MARS1: variants seen among roughly 807,000 people sequenced by gnomAD.
MARS1 encodes the protein methionine--tRNA ligase, cytoplasmic.
A neutral mutation model predicts 119.5 loss-of-function variants in MARS1; 80 were observed. That is an observed-to-expected ratio of 0.67 (90% CI 0.56 to 0.81). The LOEUF (loss-of-function observed/expected upper bound fraction) is 0.81, where lower values mean the gene tolerates loss of function less well. Among genes scored for constraint, MARS1 ranks in the 30% least tolerant of loss-of-function variants. The pLI is 0.00. For missense variants in MARS1, 945 were observed against 1,116.5 expected (o/e 0.85, Z 2.19); for synonymous variants, 418 against 433.4 (o/e 0.96, Z 0.44).
At chr12:57,504,995 C>T (rs924925296) in intron 11 of MARS1, among the ~76,000 whole-genome samples, 3 of 150,974 alleles carry the variant, frequency 2.0e-5, no homozygotes, top group Non-Finnish European at 1.5e-5. Context: ...TGAGCCACCG[C>T]ACTGGGCCAC....
Position 57,514,739 on chromosome 12 carries a change from A to T in MARS1, c.1987A>T (p.Lys663Ter), listed in dbSNP as rs771664576. Residue 663 changes from lysine (K) to a stop codon, truncating the protein, a stop_gained, in exon 16 of 21, where the codon AAG becomes TAG. Transcript: ENST00000262027. LOFTEE classifies it high-confidence loss of function. ...FINRAGMFVS[K>*]FFGGYVPEMV... ...ACCAAGAGCTGGGATGTTTGTGTCT[A>T]AGTTCTTTGGGGGCTATGTGCCTGA... The T allele has an allele frequency of 6.2e-7, 1 of 1,613,948 alleles. No homozygotes were observed. Among genetic ancestry groups the T allele is most frequent in the African/African-American group, 1.3e-5 (1 of 74,898 alleles).
intron 11 of MARS1, among the ~76,000 whole-genome samples, chr12:57,505,994 C>T (rs76515218): frequency 0.02 from 2,992 of 151,630 alleles, 100 homozygotes; most frequent in African/African-American, 0.069. Context: ...GTGGCTCACG[C>T]GTTAATCCTA....
intron 11 of MARS1, among the ~76,000 whole-genome samples, chr12:57,505,269 C>A (rs1877130077): frequency 6.6e-6 from 1 of 151,476 alleles, no homozygotes; most frequent in South Asian, 2.1e-4. Context: ...TCAAGCGATT[C>A]CTCTGCATCA....
At chr12:57,497,236 T>A (rs1022424403) in intron 7 of MARS1, among the ~76,000 whole-genome samples, 5 of 152,148 alleles carry the variant, frequency 3.3e-5, no homozygotes, top group Admixed American at 6.6e-5. Flanking sequence ...TATTCAGTTA[T>A]GGAGAGAAAG....
intron 5 of MARS1, 63 bp from the exon 6 acceptor site, chr12:57,490,144 G>T: frequency 6.4e-7 from 1 of 1,552,100 alleles, no homozygotes. Context: ...GAAGGGGAAA[G>T]ATGCCCGCTC....
rs200792020 is a variant in MARS1 at position 57,500,538 on chromosome 12, C to T, written c.1293+16C>T. On this transcript the variant is annotated intron_variant, in intron 10 of 20. Coordinates refer to ENST00000262027, the MANE Select transcript of MARS1 (RefSeq NM_004990.4). The stretch of plus-strand genomic sequence containing the variant: ...CGAGCTTAAGGTAAGAGGAGGGTCT[C>T]CATGGGAGCCCGGAAGGAGACAGTC... 3 of 1,612,040 alleles carry T rather than the reference C, an allele frequency of 1.9e-6. No individual in the cohort carries two copies. Among genetic ancestry groups the T allele is most frequent in the Admixed American group, 3.4e-5 (2 of 59,616 alleles).
At chr12:57,507,484 ACC>A (rs1204870664) in intron 11 of MARS1, among the ~76,000 whole-genome samples, 2,129 of 17,694 alleles carry the variant, frequency 0.12, 386 homozygotes, top group African/African-American at 0.24. Context: ...CGGGGGGCTG[ACC>A]CCCCCCCCAC....
chr12:57,492,474 A>G (rs1381876705), intron 7 of MARS1, among the ~76,000 whole-genome samples: 1 of 152,068 alleles, frequency 6.6e-6, no homozygotes, highest in Non-Finnish European at 1.5e-5. Flanking sequence ...GTTCGAGACC[A>G]GCCTGGCCAA....
At chr12:57,504,051 G>T in intron 10 of MARS1, 174 bp from the exon 11 acceptor site, 1 of 600,716 alleles carries the variant, frequency 1.7e-6, no homozygotes, top group Non-Finnish European at 3.0e-6. Context: ...GTTATACTGA[G>T]AAGATTTGAG....
At chr12:57,502,019 A>G (rs892783036) in intron 10 of MARS1, among the ~76,000 whole-genome samples, 1 of 152,106 alleles carries the variant, frequency 6.6e-6, no homozygotes, top group Non-Finnish European at 1.5e-5. Flanking sequence ...AGTATGGAGA[A>G]GGATTTGGAG....
chr12:57,489,683 CT>C, intron 4 of MARS1, 125 bp downstream of exon 4: 1 of 1,356,560 alleles, frequency 7.4e-7, no homozygotes, highest in Non-Finnish European at 1.0e-6. Flanking sequence ...TGGCAAATCA[CT>C]TAATCTCTCT....
chr12:57,502,670 C>T (rs1299737), intron 10 of MARS1, among the ~76,000 whole-genome samples: 24,922 of 142,020 alleles, frequency 0.18, 2,441 homozygotes, highest in East Asian at 0.29. Context: ...TACGCTACTG[C>T]ACTCCAGCCT....
intron 7 of MARS1, among the ~76,000 whole-genome samples, chr12:57,493,148 C>G (rs917078859): frequency 2.7e-5 from 4 of 150,142 alleles, no homozygotes; most frequent in Non-Finnish European, 4.4e-5. Flanking sequence ...ATGTTTGTTT[C>G]TTCACTAATT....
At chr12:57,493,376 A>T (rs1232311978) in intron 7 of MARS1, among the ~76,000 whole-genome samples, 1 of 27,684 alleles carries the variant, frequency 3.6e-5, no homozygotes, top group South Asian at 1.3e-3. Context: ...TATAATATAT[A>T]TTATATAATA....
intron 7 of MARS1, among the ~76,000 whole-genome samples, chr12:57,495,575 C>T (rs1466067453): frequency 7.9e-5 from 12 of 152,236 alleles, no homozygotes; most frequent in African/African-American, 2.6e-4. Flanking sequence ...CAGGCTGAGA[C>T]GCTCCTCACT....
chr12:57,494,884 T>TG (rs1349662277), intron 7 of MARS1, among the ~76,000 whole-genome samples: 54 of 152,298 alleles, frequency 3.5e-4, no homozygotes, highest in Admixed American at 2.7e-3. Flanking sequence ...CAGAACAAAA[T>TG]GGAGTCTCCT....
Position 57,490,664 on chromosome 12 carries a change from G to T in MARS1, c.770+20G>T. ...TCCAGTGTGAGTAGACATGGCACAT[G>T]TGAGTGGGGCTTGATTTTGTAGTGG... On this transcript the variant is annotated intron_variant, in intron 7 of 20. Coordinates refer to ENST00000262027, the MANE Select transcript of MARS1 (RefSeq NM_004990.4). The T allele has an allele frequency of 1.2e-6, 2 of 1,605,404 alleles. No homozygotes were observed. Among genetic ancestry groups the T allele is most frequent in the South Asian group, 1.1e-5 (1 of 90,912 alleles).
Position 57,492,675 on chromosome 12 carries a change from A to T in MARS1, c.770+2031A>T, listed in dbSNP as rs1303680541. Among the ~76,000 whole-genome samples the T allele has an allele frequency of 5.3e-3, 491 of 92,860 alleles. 4 individuals are homozygous for T. Among genetic ancestry groups the T allele is most frequent in the South Asian group, 0.025 (80 of 3,238 alleles). 60.9% of individuals were successfully genotyped at this position (92,860 alleles called of 152,430 possible). A position where few individuals can be genotyped will look rare whatever the true frequency, so the allele number is the denominator to read the frequency against. The stretch of plus-strand genomic sequence containing the variant: ...AACAGAGCGCGACTCCATTTCACAC[A>T]CACACACACACACACACACACACAC... On this transcript the variant is annotated intron_variant, in intron 7 of 20. Coordinates refer to ENST00000262027, the MANE Select transcript of MARS1 (RefSeq NM_004990.4).
intron 11 of MARS1, among the ~76,000 whole-genome samples, chr12:57,505,446 G>A (rs1295602143): frequency 6.6e-6 from 1 of 152,094 alleles, no homozygotes; most frequent in Non-Finnish European, 1.5e-5. Flanking sequence ...ACAGGTGTGA[G>A]CCACCATCCC....
Sources: gnomAD v4.1 joint callset for allele counts (sites outside exome capture counted in the v4.1 genomes callset) on GRCh38, gnomAD v4.1.1 for gene constraint, MANE v1.5 for transcripts, NCBI Gene and HGNC (gene_info 2026-07-23, HGNC 2026-07-21) for gene names.